ABI3BP: variants seen among roughly 807,000 people sequenced by gnomAD.
ABI3BP encodes the protein ABI family member 3 binding protein.
Under a neutral mutation model 268.6 loss-of-function variants are expected in ABI3BP, and 216 were observed. The observed-to-expected ratio is 0.80, with a 90% CI of 0.72 to 0.90. The LOEUF (loss-of-function observed/expected upper bound fraction) is 0.90, where lower values mean the gene tolerates loss of function less well. ABI3BP is among the 40% of genes least tolerant of loss of function. ABI3BP has a pLI of 0.00. For synonymous variants in ABI3BP, 730 were observed against 730.0 expected (o/e 1.00, Z 0.00); for missense variants, 2,090 against 2,182.4 (o/e 0.96, Z 0.84).
intron 26 of ABI3BP, chr3:100,837,424 C>A: frequency 2.7e-6 from 1 of 365,456 alleles, no homozygotes; most frequent in Non-Finnish European, 4.8e-6. Context: ...TAAATATCTT[C>A]TTATGTGGTA....
chr3:100,789,175 C>A (rs2097131016), intron 56 of ABI3BP, among the ~76,000 whole-genome samples: 1 of 152,032 alleles, frequency 6.6e-6, no homozygotes, highest in Admixed American at 6.6e-5. Flanking sequence ...CTCTATGCAA[C>A]CTCTTTGTCA....
chr3:100,749,622 A>T lies in ABI3BP; in HGVS notation c.*873T>A, dbSNP rs1241834533. On this transcript the variant is annotated 3_prime_UTR_variant, in exon 68 of 68. Transcript: ENST00000471714. The stretch of plus-strand genomic sequence containing the variant: ...TAGAGGTCTTAACGTATAAATACAT[A>T]GTAAATATCCTATAAAATGGTAGGC... 7.5e-6 allele frequency: 3 copies of T among 398,330 alleles called. No homozygotes were observed. Among genetic ancestry groups the T allele is most frequent in the Non-Finnish European group, 1.3e-5 (3 of 225,730 alleles). 24.7% of individuals were successfully genotyped at this position (398,330 alleles called of 1,614,324 possible).
chr3:100,788,976 A>G (rs2097126140), intron 56 of ABI3BP, among the ~76,000 whole-genome samples: 1 of 152,060 alleles, frequency 6.6e-6, no homozygotes, highest in African/African-American at 2.4e-5. Flanking sequence ...AATTTAGTAA[A>G]TTTAACGTAT....
At position 100,846,422 on chromosome 3, in the gene ABI3BP, G is replaced by T. The variant is rs1015316319; in HGVS notation, c.1673C>A (p.Ser558Tyr). Reference protein sequence around the residue: ...TPAPGKTQFISLKPKIPLSPE... With the variant: ...TPAPGKTQFIYLKPKIPLSPE... ...GCTGAGAGGGATTTTAGGTTTCAGA[G>T]AAATAAATTGTGTTTTACCGGGAGC... The change falls in exon 20 of 68, where the codon TCT becomes TAT. Residue 558 changes from serine to tyrosine, a missense_variant. Transcript: ENST00000471714. 4.4e-6 allele frequency: 7 copies of T among 1,598,654 alleles called. No homozygotes were observed. Among genetic ancestry groups the T allele is most frequent in the Non-Finnish European group, 6.0e-6 (7 of 1,172,080 alleles).
chr3:100,982,122 C>A (rs561913908), intron 1 of ABI3BP, among the ~76,000 whole-genome samples: 2 of 152,160 alleles, frequency 1.3e-5, no homozygotes, highest in South Asian at 4.2e-4. Context: ...GAAAAACTAC[C>A]ATTTATAAAA....
chr3:100,986,176 A>G lies in ABI3BP; in HGVS notation c.79+7130T>C, dbSNP rs566317976. ...GGCCTATGAGGCAGAGACCTGCAGC[A>G]ACCTCAGGCCAATAGCCAGTGAGAA... On this transcript the variant is annotated intron_variant, in intron 1 of 67. Transcript: ENST00000471714. 3.9e-5 allele frequency among the ~76,000 whole-genome samples: 6 copies of G among 152,342 alleles called. No homozygotes were observed. In the South Asian group the frequency reaches 8.3e-4, roughly 21 times the overall value.
intron 2 of ABI3BP, among the ~76,000 whole-genome samples, chr3:100,924,912 G>T (rs951889647): frequency 6.6e-6 from 1 of 152,042 alleles, no homozygotes; most frequent in Non-Finnish European, 1.5e-5. Context: ...AATGAAAAAA[G>T]GGGTAATATG....
At chr3:100,975,391 G>A (rs2085629645) in intron 1 of ABI3BP, among the ~76,000 whole-genome samples, 1 of 152,138 alleles carries the variant, frequency 6.6e-6, no homozygotes, top group Non-Finnish European at 1.5e-5. Context: ...CCCCAGCTGT[G>A]ATCTAGCTGC....
intron 24 of ABI3BP, among the ~76,000 whole-genome samples, 188 bp from the exon 25 acceptor site, chr3:100,838,652 A>ACT (rs2098643886): frequency 6.6e-6 from 1 of 152,186 alleles, no homozygotes; most frequent in South Asian, 2.1e-4. Flanking sequence ...CCAGAAAGGA[A>ACT]AATTAATTAC....
intron 1 of ABI3BP, among the ~76,000 whole-genome samples, chr3:100,974,360 TG>T (rs753415549): frequency 8.5e-5 from 13 of 152,330 alleles, no homozygotes; most frequent in Non-Finnish European, 1.6e-4. Flanking sequence ...ACAACCCTAC[TG>T]TTGAATTGGT....
chr3:100,847,709 T>C (rs1308708692), intron 18 of ABI3BP, 36 bp from the exon 19 acceptor site: 2 of 1,553,564 alleles, frequency 1.3e-6, no homozygotes, highest in Admixed American at 3.3e-5. Context: ...TGAAATATCC[T>C]AGAGACAATA....
chr3:100,839,749 C>T (rs1361215246), intron 23 of ABI3BP, 133 bp from the exon 24 acceptor site: 1 of 991,822 alleles, frequency 1.0e-6, no homozygotes, highest in Non-Finnish European at 1.5e-6. Flanking sequence ...TTTTACAGTT[C>T]CCATTTTCCT....
Position 100,993,297 on chromosome 3 carries a change from G to T in ABI3BP, c.79+9C>A, listed in dbSNP as rs1179902871. On this transcript the variant is annotated intron_variant, in intron 1 of 67. Transcript: ENST00000471714. The stretch of plus-strand genomic sequence containing the variant: ...TTATTTTTAAAACATAAAACATCAG[G>T]CTACTTGCCTTTTGGCAATTTCTGT... The T allele has an allele frequency of 2.0e-6, 3 of 1,528,910 alleles. No individual in the cohort carries two copies. Among genetic ancestry groups the T allele is most frequent in the Non-Finnish European group, 1.8e-6 (2 of 1,127,342 alleles). 94.7% of individuals were successfully genotyped at this position (1,528,910 alleles called of 1,614,324 possible).
intron 4 of ABI3BP, among the ~76,000 whole-genome samples, chr3:100,890,977 TG>T (rs2044359793): frequency 7.8e-6 from 1 of 128,098 alleles, no homozygotes; most frequent in South Asian, 2.9e-4. Context: ...ATTTTCAAAC[TG>T]GTCAACTTTT....
At chr3:100,969,855 G>A (rs1347494430) in intron 1 of ABI3BP, among the ~76,000 whole-genome samples, 1 of 151,946 alleles carries the variant, frequency 6.6e-6, no homozygotes, top group Non-Finnish European at 1.5e-5. Context: ...TTTAAGGTTA[G>A]AGGAAAATGC....
intron 1 of ABI3BP, among the ~76,000 whole-genome samples, chr3:100,962,257 G>A (rs1410728327): frequency 1.3e-5 from 2 of 152,108 alleles, no homozygotes; most frequent in African/African-American, 4.8e-5. Context: ...CTATAAACCT[G>A]TCTACGTCAG....
At chr3:100,829,765 T>C (rs1579379975) in intron 32 of ABI3BP, 101 bp from the exon 33 acceptor site, 2 of 956,542 alleles carry the variant, frequency 2.1e-6, no homozygotes, top group South Asian at 1.6e-5. Flanking sequence ...GAAATGTTTC[T>C]TTTGGGTTTG....
At chr3:100,968,281 G>A (rs369316436) in intron 1 of ABI3BP, among the ~76,000 whole-genome samples, 1 of 152,154 alleles carries the variant, frequency 6.6e-6, no homozygotes, top group Non-Finnish European at 1.5e-5. Flanking sequence ...AAAATGCCAA[G>A]GAAGGAATTT....
Position 100,894,938 on chromosome 3 carries a change from C to CAAAAAAAAAAA in ABI3BP, c.461+3813_461+3823dup, listed in dbSNP as rs58342344. 2.1e-3 allele frequency among the ~76,000 whole-genome samples: 79 copies of CAAAAAAAAAAA among 37,718 alleles called. 7 individuals are homozygous for CAAAAAAAAAAA. The highest frequency in any genetic ancestry group is 0.011 in the East Asian group (7 of 638). The allele number at this position is 37,718 out of a possible 152,430, so 24.7% of individuals were successfully genotyped here. On this transcript the variant is annotated intron_variant, in intron 4 of 67. Coordinates refer to ENST00000471714, the MANE Select transcript of ABI3BP (RefSeq NM_001375547.2). ...TGGGCGACAGAGCGGGATTCCGCTT[C>CAAAAAAAAAAA]AAAAAAAAAAAAAAAAAAAAAAAAA...
Sources: gnomAD v4.1 joint callset for allele counts (sites outside exome capture counted in the v4.1 genomes callset) on GRCh38, gnomAD v4.1.1 for gene constraint, MANE v1.5 for transcripts, NCBI Gene and HGNC (gene_info 2026-07-23, HGNC 2026-07-21) for gene names.